SORCS2: variants seen among roughly 807,000 people sequenced by gnomAD.
SORCS2 encodes the protein sortilin related VPS10 domain containing receptor 2.
In SORCS2, 100 loss-of-function variants were observed where a neutral mutation model predicts 141.6. The ratio of observed to expected loss-of-function variants is 0.71; its 90% confidence interval spans 0.60 to 0.83. The LOEUF (loss-of-function observed/expected upper bound fraction) is 0.83, where lower values mean the gene tolerates loss of function less well. Among genes scored for constraint, SORCS2 ranks in the 40% least tolerant of loss-of-function variants. The pLI, the probability that SORCS2 is intolerant of heterozygous loss-of-function variation, is 0.00. For synonymous variants in SORCS2, 789 were observed against 676.9 expected, an observed-to-expected ratio of 1.17 and a Z score of -2.57; for missense variants, 1,646 against 1,560.2, an observed-to-expected ratio of 1.05 and a Z score of -0.93.
chr4:7,558,293 C>G (rs1714279190), intron 3 of SORCS2, among the ~76,000 whole-genome samples: 1 of 152,212 alleles, frequency 6.6e-6, no homozygotes, highest in Admixed American at 6.5e-5. Context: ...TGGGACAGAG[C>G]TGTCCTATGC....
intron 14 of SORCS2, among the ~76,000 whole-genome samples, chr4:7,705,602 G>A (rs34015703): frequency 0.35 from 52,858 of 152,072 alleles, 9,873 homozygotes; most frequent in East Asian, 0.45. Flanking sequence ...CCTCACCCTC[G>A]CCCACTCGGC....
intron 1 of SORCS2, among the ~76,000 whole-genome samples, chr4:7,361,912 C>T (rs1045731572): frequency 4.3e-4 from 34 of 78,536 alleles, no homozygotes; most frequent in Admixed American, 1.8e-3. Context: ...GGGGGGAGGA[C>T]GCGGGGAGGG....
At chr4:7,368,883 G>T (rs915282619) in intron 1 of SORCS2, among the ~76,000 whole-genome samples, 6 of 152,280 alleles carry the variant, frequency 3.9e-5, no homozygotes, top group African/African-American at 1.4e-4. Flanking sequence ...TTGATAGTGA[G>T]AGTCTCACGA....
chr4:7,704,432 G>C (rs990532576), intron 14 of SORCS2, 148 bp downstream of exon 14: 1 of 707,606 alleles, frequency 1.4e-6, no homozygotes, highest in Non-Finnish European at 2.3e-6. Flanking sequence ...GTGAGGACAG[G>C]ACCGAGGCTC....
At chr4:7,204,707 G>A (rs923545087) in intron 1 of SORCS2, among the ~76,000 whole-genome samples, 1 of 152,180 alleles carries the variant, frequency 6.6e-6, no homozygotes, top group Non-Finnish European at 1.5e-5. Context: ...AGGCTGCGTC[G>A]TGGGAGTCAC....
intron 1 of SORCS2, among the ~76,000 whole-genome samples, chr4:7,200,084 C>T (rs544630535): frequency 2.6e-5 from 4 of 152,214 alleles, no homozygotes; most frequent in South Asian, 2.1e-4. Flanking sequence ...GATGGGCTCT[C>T]GTGCTGCTCT....
intron 2 of SORCS2, among the ~76,000 whole-genome samples, chr4:7,499,396 C>T (rs1379674064): frequency 6.6e-6 from 1 of 152,054 alleles, no homozygotes; most frequent in African/African-American, 2.4e-5. Flanking sequence ...TTGTTCTTTC[C>T]CAAGGACCCT....
chr4:7,247,299 C>G (rs555315730), intron 1 of SORCS2, among the ~76,000 whole-genome samples: 1 of 151,068 alleles, frequency 6.6e-6, no homozygotes, highest in African/African-American at 2.4e-5. Context: ...ATGTTTCTAT[C>G]TTTAATTTTT....
chr4:7,287,282 G>T (rs1014201072), intron 1 of SORCS2, among the ~76,000 whole-genome samples: 1 of 152,252 alleles, frequency 6.6e-6, no homozygotes, highest in East Asian at 1.9e-4. Context: ...CCCTGGGAAA[G>T]GTGGGGTGTC....
chr4:7,526,895 AGAT>A (rs758751943), intron 2 of SORCS2, among the ~76,000 whole-genome samples: 5 of 152,248 alleles, frequency 3.3e-5, no homozygotes, highest in Non-Finnish European at 5.9e-5. Flanking sequence ...TATATCCAAA[AGAT>A]GATGTCAACA....
At chr4:7,626,371 A>G (rs1719516634) in intron 3 of SORCS2, among the ~76,000 whole-genome samples, 1 of 152,210 alleles carries the variant, frequency 6.6e-6, no homozygotes, top group Non-Finnish European at 1.5e-5. Flanking sequence ...TGACTTAACA[A>G]AAATGTATTT....
chr4:7,682,996 GAC>G, intron 10 of SORCS2, 107 bp downstream of exon 10: 11 of 1,367,456 alleles, frequency 8.0e-6, no homozygotes, highest in Non-Finnish European at 1.1e-5. Flanking sequence ...GACCATCTGA[GAC>G]ACATGAACCA....
At chr4:7,362,815 CAACACCACCATCATT>C in intron 1 of SORCS2, among the ~76,000 whole-genome samples, 1 of 151,672 alleles carries the variant, frequency 6.6e-6, no homozygotes, top group Non-Finnish European at 1.5e-5. Flanking sequence ...TCATTACCAC[CAACACCACCATCATT>C]ACTACCATCA....
chr4:7,508,320 A>G (rs1732402721), intron 2 of SORCS2, among the ~76,000 whole-genome samples: 1 of 148,738 alleles, frequency 6.7e-6, no homozygotes, highest in Non-Finnish European at 1.5e-5. Flanking sequence ...ATCTGTGACA[A>G]TGGTTACCTG....
intron 23 of SORCS2, among the ~76,000 whole-genome samples, chr4:7,731,403 A>G (rs1296826821): frequency 1.3e-5 from 2 of 152,242 alleles, no homozygotes; most frequent in Non-Finnish European, 2.9e-5. Context: ...AAAGTGATCT[A>G]CAGATTTAAT....
chr4:7,441,103 A>T lies in SORCS2; in HGVS notation c.548+44748A>T, dbSNP rs148020393. 1.6e-3 allele frequency among the ~76,000 whole-genome samples: 239 copies of T among 152,274 alleles called. 5 individuals carry two copies. The East Asian group carries it at 0.041, about 26-fold the overall frequency. On this transcript the variant is annotated intron_variant, in intron 2 of 26. Coordinates refer to ENST00000507866, the MANE Select transcript of SORCS2 (RefSeq NM_020777.3). Reference sequence around the variant, plus strand: ...GTGGGTACCCAGGGGATAGCACCCCAAGAGGGGGACTCGGCAAGGGCGAAG... The same window carrying T: ...GTGGGTACCCAGGGGATAGCACCCCTAGAGGGGGACTCGGCAAGGGCGAAG...
At chr4:7,448,607 TTCC>T (rs1728166751) in intron 2 of SORCS2, among the ~76,000 whole-genome samples, 1 of 2,128 alleles carries the variant, frequency 4.7e-4, no homozygotes, top group Non-Finnish European at 2.0e-3. Context: ...CCTCTATCCC[TTCC>T]TTCCTTCCTT....
intron 3 of SORCS2, among the ~76,000 whole-genome samples, chr4:7,568,506 T>G (rs1715171865): frequency 6.6e-6 from 1 of 152,224 alleles, no homozygotes; most frequent in African/African-American, 2.4e-5. Flanking sequence ...CTCAGTTAGA[T>G]GCTTCCATCC....
chr4:7,602,738 C>T (rs1345168810), intron 3 of SORCS2, among the ~76,000 whole-genome samples: 4 of 152,118 alleles, frequency 2.6e-5, no homozygotes, highest in African/African-American at 4.8e-5. Context: ...AGAGACGCTC[C>T]TCACTTCCCA....
Sources: gnomAD v4.1 joint callset for allele counts (sites outside exome capture counted in the v4.1 genomes callset) on GRCh38, gnomAD v4.1.1 for gene constraint, MANE v1.5 for transcripts, NCBI Gene and HGNC (gene_info 2026-07-23, HGNC 2026-07-21) for gene names.